Variants in PPP1R7 observed in about 807,000 individuals in gnomAD.
PPP1R7 encodes the protein protein phosphatase 1 regulatory subunit 22.
A neutral mutation model predicts 45.2 loss-of-function variants in PPP1R7; 18 were observed. The observed-to-expected ratio is 0.40, with a 90% CI of 0.28 to 0.59. The LOEUF (loss-of-function observed/expected upper bound fraction) is 0.59. PPP1R7 is among the 20% of genes least tolerant of loss of function. The pLI is 0.46. For synonymous variants in PPP1R7, 181 were observed against 183.4 expected (o/e 0.99, Z 0.11); for missense variants, 314 against 455.8 (o/e 0.69, Z 2.83).
intron 9 of PPP1R7, among the ~76,000 whole-genome samples, chr2:241,174,369 A>T (rs866240250): frequency 7.2e-5 from 11 of 152,154 alleles, no homozygotes; most frequent in African/African-American, 2.7e-4. Flanking sequence ...TGCCTAGCAC[A>T]GCTTCATCTT....
intron 4 of PPP1R7, 166 bp from the exon 5 acceptor site, chr2:241,159,047 C>T (rs903545794): frequency 8.0e-5 from 65 of 817,380 alleles, no homozygotes; most frequent in Non-Finnish European, 1.2e-4. Context: ...GCTTAGTGCC[C>T]TTGCCCACCT....
intron 1 of PPP1R7, among the ~76,000 whole-genome samples, chr2:241,151,319 C>T (rs907546319): frequency 2.0e-5 from 3 of 152,108 alleles, no homozygotes; most frequent in African/African-American, 7.2e-5. Flanking sequence ...GTACAGACCT[C>T]CCAGAAGAGC....
chr2:241,160,225 T>G, intron 5 of PPP1R7, 107 bp from the exon 6 acceptor site: 2 of 785,234 alleles, frequency 2.5e-6, no homozygotes, highest in Non-Finnish European at 3.9e-6. Flanking sequence ...CACCCGGTAG[T>G]GACTGCCGTC....
At position 241,165,232 on chromosome 2, in the gene PPP1R7, A is replaced by G. The variant is rs188266558; in HGVS notation, c.715-1105A>G. Among the ~76,000 whole-genome samples the G allele has an allele frequency of 5.1e-4, 77 of 152,062 alleles. 1 individual carries two copies. The highest frequency in any genetic ancestry group is 4.1e-3 in the Admixed American group (62 of 15,280). ...GCCCAGGCTGGAGCACAGGGGTGCAATCTCGGCTCACTGCAACCTCAGCTT... is the reference window on the plus strand; with the variant it reads ...GCCCAGGCTGGAGCACAGGGGTGCAGTCTCGGCTCACTGCAACCTCAGCTT... On this transcript the variant is annotated intron_variant, in intron 7 of 9. Transcript: ENST00000234038.
upstream of PPP1R7, chr2:241,150,380 G>A (rs2067230205): frequency 7.5e-7 from 1 of 1,341,478 alleles, no homozygotes; most frequent in South Asian, 1.9e-5. Context: ...CGCAGGCGCG[G>A]CGCGGCTGAA....
At chr2:241,157,021 T>C (rs938067843) in intron 2 of PPP1R7, among the ~76,000 whole-genome samples, 2 of 152,064 alleles carry the variant, frequency 1.3e-5, no homozygotes, top group African/African-American at 4.8e-5. Flanking sequence ...CATGCTGAAG[T>C]AGGTTCCAAT....
At chr2:241,162,064 T>C (rs1388231414) in intron 6 of PPP1R7, among the ~76,000 whole-genome samples, 1 of 152,228 alleles carries the variant, frequency 6.6e-6, no homozygotes, top group Non-Finnish European at 1.5e-5. Flanking sequence ...CAACAGTCTC[T>C]TGACAGTTAT....
At chr2:241,164,530 C>T (rs1454148721) in intron 7 of PPP1R7, among the ~76,000 whole-genome samples, 1 of 152,154 alleles carries the variant, frequency 6.6e-6, no homozygotes, top group Non-Finnish European at 1.5e-5. Context: ...ATCCCTGATC[C>T]CTTCGACTGA....
intron 8 of PPP1R7, 99 bp from the exon 9 acceptor site, chr2:241,169,682 C>G (rs1350047536): frequency 2.1e-6 from 2 of 970,288 alleles, no homozygotes; most frequent in African/African-American, 3.2e-5. Context: ...GGGCAGTGCA[C>G]CTGCAGCCCT....
intron 9 of PPP1R7, among the ~76,000 whole-genome samples, chr2:241,178,274 C>G (rs1482850243): frequency 6.6e-6 from 1 of 152,224 alleles, no homozygotes; most frequent in Non-Finnish European, 1.5e-5. Context: ...ACAGATGAGT[C>G]TAACCCTGGC....
intron 9 of PPP1R7, among the ~76,000 whole-genome samples, chr2:241,179,296 T>C (rs533954945): frequency 9.7e-4 from 147 of 152,264 alleles, no homozygotes; most frequent in African/African-American, 3.3e-3. Flanking sequence ...GAAAGCATGT[T>C]CCCAGAGTCA....
intron 1 of PPP1R7, among the ~76,000 whole-genome samples, chr2:241,151,285 T>C (rs542492398): frequency 6.6e-6 from 1 of 152,256 alleles, no homozygotes; most frequent in African/African-American, 2.4e-5. Flanking sequence ...TTAAGTACTT[T>C]TGGGTCCCAT....
chr2:241,183,550 C>A lies in PPP1R7; in HGVS notation c.*727C>A. ...GAGTCCCATTGAGCCTCTCCAAAGA[C>A]GGCCTCCAAGGATCTGAACTCTTGG... On this transcript the variant is annotated 3_prime_UTR_variant, in exon 10 of 10. Coordinates refer to ENST00000234038, the MANE Select transcript of PPP1R7 (RefSeq NM_002712.3). The A allele has an allele frequency of 4.6e-6, 2 of 436,752 alleles. No individual in the cohort carries two copies. The highest frequency in any genetic ancestry group is 9.5e-6 in the Non-Finnish European group (2 of 210,568). The allele number at this position is 436,752 out of a possible 1,614,324, so 27.1% of individuals were successfully genotyped here. A position where few individuals can be genotyped will look rare whatever the true frequency, so the allele number is the denominator to read the frequency against.
chr2:241,167,534 G>A (rs759414741), intron 8 of PPP1R7, among the ~76,000 whole-genome samples: 15 of 152,236 alleles, frequency 9.9e-5, no homozygotes, highest in Admixed American at 6.5e-5. Flanking sequence ...GCAGCAGGGA[G>A]CCCTGGTGCC....
intron 2 of PPP1R7, among the ~76,000 whole-genome samples, chr2:241,154,179 C>CAA (rs1167747738): frequency 0.055 from 2,752 of 49,902 alleles, 230 homozygotes; most frequent in African/African-American, 0.16. Context: ...TACTCCTTCT[C>CAA]AAAAAAAAAA....
At chr2:241,165,973 G>T (rs540186270) in intron 7 of PPP1R7, among the ~76,000 whole-genome samples, 2 of 149,962 alleles carry the variant, frequency 1.3e-5, no homozygotes, top group African/African-American at 4.9e-5. Flanking sequence ...CATGATCTTG[G>T]CTCACTGCAA....
intron 2 of PPP1R7, among the ~76,000 whole-genome samples, chr2:241,155,680 A>G (rs1285006683): frequency 6.6e-6 from 1 of 152,204 alleles, no homozygotes; most frequent in East Asian, 1.9e-4. Context: ...AAGACCCCTT[A>G]AAGCCATGCG....
intron 7 of PPP1R7, among the ~76,000 whole-genome samples, chr2:241,165,197 C>T (rs766344485): frequency 1.7e-4 from 26 of 151,586 alleles, no homozygotes; most frequent in Middle Eastern, 3.4e-3. Flanking sequence ...GATGGAATTT[C>T]GCTCTTATTG....
At chr2:241,179,770 G>A (rs564763844) in intron 9 of PPP1R7, among the ~76,000 whole-genome samples, 177 of 152,328 alleles carry the variant, frequency 1.2e-3, no homozygotes, top group African/African-American at 4.0e-3. Context: ...AATGTCTATG[G>A]AGACAGAGTC....
Sources: allele counts gnomAD v4.1 joint callset (sites outside exome capture counted in the v4.1 genomes callset), GRCh38; gene constraint gnomAD v4.1.1; transcripts MANE v1.5; gene names NCBI Gene and HGNC (gene_info 2026-07-23, HGNC 2026-07-21).